Variants in TIAM1 observed in about 807,000 individuals in gnomAD.
TIAM1 encodes the protein TIAM Rac1 associated GEF 1.
A neutral mutation model predicts 163.5 loss-of-function variants in TIAM1; 65 were observed. The ratio of observed to expected loss-of-function variants is 0.40; its 90% confidence interval spans 0.33 to 0.49. The LOEUF (loss-of-function observed/expected upper bound fraction) is 0.49, where lower values mean the gene tolerates loss of function less well. TIAM1 is among the 20% of genes least tolerant of loss of function. TIAM1 has a pLI of 0.77. For missense variants in TIAM1, 1,789 were observed against 2,044.7 expected (o/e 0.87, Z 2.41); for synonymous variants, 833 against 810.1 (o/e 1.03, Z -0.48).
intron 2 of TIAM1, among the ~76,000 whole-genome samples, chr21:31,430,406 T>C (rs1466942864): frequency 3.3e-5 from 5 of 151,582 alleles, no homozygotes; most frequent in Admixed American, 2.6e-4. Context: ...ACCCATGGAA[T>C]AGGAAACACT....
rs564305649 is a variant in TIAM1 at position 31,458,777 on chromosome 21, A to G, written c.-369+5206T>C. Among the ~76,000 whole-genome samples the G allele has an allele frequency of 1.6e-4, 24 of 152,176 alleles. 2 individuals carry two copies. The South Asian group carries it at 4.8e-3, about 30-fold the overall frequency. ...GGAGGGGAGGGAGGGGTCTGGGGAG[A>G]GGGCTGCTACTTCAGCTTAGGTTCT... On this transcript the variant is annotated intron_variant, in intron 2 of 28. Transcript: ENST00000286827.
intron 2 of TIAM1, among the ~76,000 whole-genome samples, chr21:31,403,687 T>A (rs572310455): frequency 6.6e-6 from 1 of 152,038 alleles, no homozygotes; most frequent in Non-Finnish European, 1.5e-5. Context: ...GATAAATACA[T>A]AAAGAAGTGA....
In TIAM1 at chr21:31,252,008, C is replaced by A. The variant is rs1284569472; in HGVS notation, c.1145G>T (p.Gly382Val). The A allele has an allele frequency of 6.2e-7, 1 of 1,613,902 alleles. No individual in the cohort carries two copies. Among genetic ancestry groups the A allele is most frequent in the African/African-American group, 1.3e-5 (1 of 74,938 alleles). ...SSSTGDAARQ[G>V]VYENFRRELE... Reference sequence around the variant, plus strand: ...CTCCCGCCGGAAGTTCTCGTACACCCCCTGACGAGCCGCATCCCCGGTGGA... The same window carrying A: ...CTCCCGCCGGAAGTTCTCGTACACCACCTGACGAGCCGCATCCCCGGTGGA... The change falls in exon 5 of 28, where the codon GGG (glycine) becomes GTG (valine). Residue 382 changes from glycine to valine, a missense_variant. This residue lies in a region of TIAM1 where 555 missense variants were observed against 564.9 expected (regional missense o/e 0.98). Transcript: ENST00000541036.
intron 23 of TIAM1, among the ~76,000 whole-genome samples, chr21:31,135,701 T>C (rs1301019173): frequency 6.6e-6 from 1 of 152,202 alleles, no homozygotes; most frequent in Non-Finnish European, 1.5e-5. Context: ...TGGGATAGAC[T>C]TGGGCACAGC....
At chr21:31,335,705 CA>C (rs142300088) in intron 2 of TIAM1, among the ~76,000 whole-genome samples, 9 of 143,890 alleles carry the variant, frequency 6.3e-5, no homozygotes, top group African/African-American at 1.8e-4. Context: ...ACTCTGTCTC[CA>C]AAAAAAAAGA....
chr21:31,356,450 A>T (rs920255066), intron 2 of TIAM1, among the ~76,000 whole-genome samples: 63 of 152,236 alleles, frequency 4.1e-4, no homozygotes, highest in African/African-American at 1.5e-3. Flanking sequence ...CTCAAAATTC[A>T]TATGTTGAAA....
intron 1 of TIAM1, among the ~76,000 whole-genome samples, chr21:31,534,364 C>T (rs1420586189): frequency 6.6e-6 from 1 of 152,134 alleles, no homozygotes; most frequent in African/African-American, 2.4e-5. Context: ...GTTCTAAGTT[C>T]CAGGACAAAC....
intron 2 of TIAM1, among the ~76,000 whole-genome samples, chr21:31,445,564 A>G (rs473348): frequency 0.92 from 140,478 of 152,242 alleles, 65,055 homozygotes; most frequent in East Asian, 1. Flanking sequence ...ATTGGTGACT[A>G]CATGGAATTC....
chr21:31,546,708 T>A (rs910647787), intron 1 of TIAM1, among the ~76,000 whole-genome samples: 1 of 152,142 alleles, frequency 6.6e-6, no homozygotes, highest in Non-Finnish European at 1.5e-5. Context: ...AATTCAAGGA[T>A]ATGCATGTCA....
intron 1 of TIAM1, among the ~76,000 whole-genome samples, chr21:31,465,121 C>T (rs1161249262): frequency 1.3e-5 from 2 of 151,866 alleles, no homozygotes; most frequent in Non-Finnish European, 2.9e-5. Context: ...TTCCCTCAAC[C>T]TGGGAGGTCA....
chr21:31,144,475 AACATGC>A (rs2083009865), intron 20 of TIAM1, among the ~76,000 whole-genome samples: 2 of 152,234 alleles, frequency 1.3e-5, no homozygotes, highest in African/African-American at 4.8e-5. Context: ...GATGAACATG[AACATGC>A]ACTTTGTTGT....
chr21:31,557,253 T>G (rs1448909644), intron 1 of TIAM1, among the ~76,000 whole-genome samples: 3 of 152,180 alleles, frequency 2.0e-5, no homozygotes, highest in African/African-American at 4.8e-5. Context: ...AGAACAGCAG[T>G]CCTTCATGCC....
rs1601798437 is a variant in TIAM1 at position 31,276,905 on chromosome 21, A to G, written c.-185T>C. 6.6e-6 allele frequency: 1 copy of G among 152,334 alleles called. No homozygotes were observed. Among genetic ancestry groups the G allele is most frequent in the African/African-American group, 2.4e-5 (1 of 41,584 alleles). The allele number at this position is 152,334 out of a possible 1,614,324, so 9.4% of individuals were successfully genotyped here. A position where few individuals can be genotyped will look rare whatever the true frequency, so the allele number is the denominator to read the frequency against. ...ATCTAAGTCTGTGAGAATGCGCCAA[A>G]AACCTGGAGAGGAGCAGGTCAGAGG... On this transcript the variant is annotated 5_prime_UTR_variant, in exon 3 of 28. Transcript: ENST00000541036.
At chr21:31,228,220 T>TAAAA (rs71191197) in intron 6 of TIAM1, among the ~76,000 whole-genome samples, 1 of 16,258 alleles carries the variant, frequency 6.2e-5, no homozygotes, top group Non-Finnish European at 1.3e-4. Context: ...CTCCTTTTTT[T>TAAAA]AAAAAAAAAA....
intron 25 of TIAM1, 142 bp downstream of exon 25, chr21:31,130,071 G>A (rs955664157): frequency 1.9e-4 from 119 of 623,408 alleles, no homozygotes; most frequent in African/African-American, 1.7e-3. Flanking sequence ...TAGAGAGACC[G>A]AGAGACAAGA....
intron 1 of TIAM1, among the ~76,000 whole-genome samples, chr21:31,474,940 C>T (rs113869980): frequency 1.3e-5 from 2 of 151,704 alleles, no homozygotes; most frequent in Admixed American, 6.6e-5. Context: ...TTCCTGCAGC[C>T]GGTGAAATGG....
chr21:31,253,346 G>A (rs546389777), intron 4 of TIAM1, among the ~76,000 whole-genome samples: 2 of 152,262 alleles, frequency 1.3e-5, no homozygotes, highest in African/African-American at 2.4e-5. Context: ...GTTCAAACAC[G>A]TAAAAACTAA....
At chr21:31,127,597 T>C (rs1301189460) in intron 25 of TIAM1, among the ~76,000 whole-genome samples, 1 of 152,034 alleles carries the variant, frequency 6.6e-6, no homozygotes, top group Non-Finnish European at 1.5e-5. Context: ...TTTGTATTTT[T>C]GGTAGAGACA....
At chr21:31,528,095 T>C (rs745968247) in intron 1 of TIAM1, among the ~76,000 whole-genome samples, 22 of 152,108 alleles carry the variant, frequency 1.4e-4, no homozygotes, top group Non-Finnish European at 2.9e-5. Context: ...CAACATTCAC[T>C]GACAGAGAGA....
Sources: gnomAD v4.1 joint callset for allele counts (sites outside exome capture counted in the v4.1 genomes callset) on GRCh38, gnomAD v4.1.1 for gene constraint, gnomAD v4.1.1 regional missense constraint, MANE v1.5 for transcripts, NCBI Gene and HGNC (gene_info 2026-07-23, HGNC 2026-07-21) for gene names.